Variants in RERE observed in about 807,000 individuals in gnomAD.
RERE encodes arginine-glutamic acid dipeptide repeats protein.
In RERE, 40 loss-of-function variants were observed where a neutral mutation model predicts 146.1. The ratio of observed to expected loss-of-function variants is 0.27; its 90% CI spans 0.21 to 0.36. RERE has a LOEUF of 0.36. RERE is among the 10% of genes least tolerant of loss of function. The pLI is 1.00. For missense variants in RERE, 1,933 were observed against 2,138.7 expected (o/e 0.90, Z 1.90); for synonymous variants, 1,003 against 866.0 (o/e 1.16, Z -2.78).
chr1:8,624,430 CAA>C, intron 2 of RERE, 50 bp from the exon 3 acceptor site: 1 of 1,192,912 alleles, frequency 8.4e-7, no homozygotes, highest in South Asian at 1.2e-5. Flanking sequence ...CTTTAAGGAA[CAA>C]AGACAGGGCC....
chr1:8,686,335 C>T (rs772650133), intron 1 of RERE, among the ~76,000 whole-genome samples: 1 of 152,098 alleles, frequency 6.6e-6, no homozygotes. Context: ...CGTAGAAATT[C>T]AACAAATATT....
At chr1:8,444,490 A>C (rs1479941401) in intron 11 of RERE, among the ~76,000 whole-genome samples, 1 of 152,142 alleles carries the variant, frequency 6.6e-6, no homozygotes, top group Non-Finnish European at 1.5e-5. Flanking sequence ...ACTTTGGGGG[A>C]CTATCGATAA....
chr1:8,398,119 G>T (rs544239449), intron 12 of RERE, among the ~76,000 whole-genome samples: 1 of 152,214 alleles, frequency 6.6e-6, no homozygotes, highest in Non-Finnish European at 1.5e-5. Flanking sequence ...AAAGATTAAT[G>T]AAGGAAATTA....
At chr1:8,471,533 T>TTTTG (rs1644686176) in intron 10 of RERE, among the ~76,000 whole-genome samples, 1 of 150,686 alleles carries the variant, frequency 6.6e-6, no homozygotes, top group Non-Finnish European at 1.5e-5. Context: ...TTTTTTTTTT[T>TTTTG]GAGAAAGAGT....
intron 1 of RERE, among the ~76,000 whole-genome samples, chr1:8,669,166 G>C (rs948431175): frequency 6.8e-6 from 1 of 148,140 alleles, no homozygotes; most frequent in Non-Finnish European, 1.5e-5. Flanking sequence ...TTGACCTACC[G>C]GGCTCAAGCA....
chr1:8,793,157 CAAAAAAAAAAAA>C (rs1015889392), intron 1 of RERE, among the ~76,000 whole-genome samples: 3 of 49,314 alleles, frequency 6.1e-5, no homozygotes, highest in South Asian at 7.4e-4. Context: ...ACTCCATCTC[CAAAAAAAAAAAA>C]AAAAAAAAGA....
chr1:8,485,718 T>C (rs1050716154), intron 10 of RERE, among the ~76,000 whole-genome samples: 7 of 151,442 alleles, frequency 4.6e-5, no homozygotes, highest in Admixed American at 6.6e-5. Flanking sequence ...TAAGTGTTCA[T>C]GTGTCTAATA....
chr1:8,465,865 C>A (rs1266096644), intron 11 of RERE, 60 bp downstream of exon 11: 2 of 1,424,874 alleles, frequency 1.4e-6, no homozygotes, highest in Non-Finnish European at 9.9e-7. Flanking sequence ...GGAGGTCACA[C>A]ACTGAGACGC....
chr1:8,732,670 T>C (rs1171732638), intron 1 of RERE, among the ~76,000 whole-genome samples: 1 of 152,166 alleles, frequency 6.6e-6, no homozygotes, highest in East Asian at 1.9e-4. Context: ...GTTAATAATA[T>C]ATTAATACTG....
Position 8,737,598 on chromosome 1 carries a change from A to T in RERE, c.-145+79562T>A, listed in dbSNP as rs576416812. 5.6e-3 allele frequency among the ~76,000 whole-genome samples: 825 copies of T among 146,096 alleles called. 2 individuals carry two copies. Among genetic ancestry groups the T allele is most frequent in the African/African-American group, 0.018 (731 of 40,630 alleles). On this transcript the variant is annotated intron_variant, in intron 1 of 22. Transcript: ENST00000400908. ...AGGAAGCAGAATTTTTTTTTTTTTT[A>T]ACTTTTTAAACTCTTTTTGTAGAGA...
chr1:8,599,474 A>G (rs529115347), intron 4 of RERE, among the ~76,000 whole-genome samples: 1 of 152,358 alleles, frequency 6.6e-6, no homozygotes, highest in Admixed American at 6.5e-5. Context: ...CAAGGTTAAA[A>G]AAAGTGTATA....
intron 1 of RERE, among the ~76,000 whole-genome samples, chr1:8,734,317 G>A (rs954746128): frequency 2.0e-5 from 3 of 152,122 alleles, no homozygotes; most frequent in African/African-American, 7.2e-5. Flanking sequence ...AGGATTTGGG[G>A]TGGGAGGAGA....
intron 1 of RERE, among the ~76,000 whole-genome samples, chr1:8,782,330 C>T (rs1226255899): frequency 6.6e-6 from 1 of 152,098 alleles, no homozygotes; most frequent in Admixed American, 6.6e-5. Flanking sequence ...TGGTTTTCCT[C>T]CTTTTTTGCT....
At chr1:8,654,843 C>T (rs978829428) in intron 2 of RERE, among the ~76,000 whole-genome samples, 3 of 152,100 alleles carry the variant, frequency 2.0e-5, no homozygotes, top group Admixed American at 2.0e-4. Context: ...CACTACGTTG[C>T]CCAGGCTGGT....
intron 4 of RERE, among the ~76,000 whole-genome samples, chr1:8,591,144 G>C (rs1053833644): frequency 1.3e-5 from 2 of 152,166 alleles, no homozygotes; most frequent in African/African-American, 2.4e-5. Flanking sequence ...GCTGACATCA[G>C]ATCTACTACA....
At chr1:8,392,453 C>T (rs1451734649) in intron 12 of RERE, among the ~76,000 whole-genome samples, 1 of 152,152 alleles carries the variant, frequency 6.6e-6, no homozygotes, top group Non-Finnish European at 1.5e-5. Context: ...TAGATAAAAA[C>T]AAACTTAGCC....
chr1:8,459,623 G>C (rs1489127821), intron 11 of RERE, among the ~76,000 whole-genome samples: 1 of 152,176 alleles, frequency 6.6e-6, no homozygotes, highest in Admixed American at 6.5e-5. Flanking sequence ...ACATACGTAA[G>C]TTGACAATGA....
chr1:8,513,055 G>A (rs920172373), intron 7 of RERE: 1 of 152,160 alleles, frequency 6.6e-6, no homozygotes, highest in South Asian at 2.1e-4. Flanking sequence ...CAAACTTTTA[G>A]GAGCCCCTCT....
chr1:8,670,721 G>C lies in RERE; in HGVS notation c.-144-14280C>G, dbSNP rs571012492. On this transcript the variant is annotated intron_variant, in intron 1 of 22. Transcript: ENST00000400908. ...GCAGAAGCATGCCTGGCATGTCCAGGCAACAGCAAAGGGACATGGTGGCTG... is the reference window on the plus strand; with the variant it reads ...GCAGAAGCATGCCTGGCATGTCCAGCCAACAGCAAAGGGACATGGTGGCTG... 2.6e-5 allele frequency among the ~76,000 whole-genome samples: 4 copies of C among 152,284 alleles called. No individual in the cohort carries two copies. The East Asian group carries it at 7.7e-4, about 29-fold the overall frequency.
Sources: allele counts gnomAD v4.1 joint callset (sites outside exome capture counted in the v4.1 genomes callset), GRCh38; gene constraint gnomAD v4.1.1; transcripts MANE v1.5; gene names NCBI Gene and HGNC (gene_info 2026-07-23, HGNC 2026-07-21).